PCNX1: variants seen among roughly 807,000 people sequenced by gnomAD.
PCNX1 encodes pecanex 1, also known as pecanex-like protein 1.
A neutral mutation model predicts 242.2 loss-of-function variants in PCNX1; 78 were observed. The ratio of observed to expected loss-of-function variants is 0.32; its 90% confidence interval spans 0.27 to 0.39. PCNX1 has a LOEUF of 0.39. Ranked by LOEUF, PCNX1 falls within the 10% of genes least tolerant of loss-of-function variation. The pLI is 1.00. For missense variants in PCNX1, 2,581 were observed against 2,856.5 expected (o/e 0.90, Z 2.20); for synonymous variants, 1,024 against 1,032.9 (o/e 0.99, Z 0.17).
In PCNX1 at chr14:71,112,638, C is replaced by T. The variant is rs551871366; in HGVS notation, c.*2703C>T. 8 of 152,144 alleles carry T rather than the reference C, an allele frequency of 5.3e-5. No individual in the cohort carries two copies. The South Asian group carries it at 8.3e-4, about 16-fold the overall frequency. 9.4% of individuals were successfully genotyped at this position (152,144 alleles called of 1,614,324 possible). ...TGTTCCTGCCTCACCCCTCACCCCC[C>T]AGAGAATAGTGAGTGACTCGTTTAG... is the stretch of plus-strand genomic sequence containing the variant. On this transcript the variant is annotated 3_prime_UTR_variant, in exon 36 of 36. Transcript: ENST00000304743.
At chr14:70,918,307 C>T (rs747104496) in intron 1 of PCNX1, among the ~76,000 whole-genome samples, 1 of 152,162 alleles carries the variant, frequency 6.6e-6, no homozygotes, top group African/African-American at 2.4e-5. Flanking sequence ...TAAATTTAAT[C>T]ATTTCCAGCT....
At chr14:70,923,918 A>AAATAGGAT (rs1400668278) in intron 1 of PCNX1, among the ~76,000 whole-genome samples, 2 of 152,284 alleles carry the variant, frequency 1.3e-5, no homozygotes, top group Middle Eastern at 3.4e-3. Flanking sequence ...CAAAGGGCTA[A>AAATAGGAT]TACTTCTGCA....
chr14:71,042,568 A>T (rs1181364179), intron 19 of PCNX1, among the ~76,000 whole-genome samples: 1 of 151,838 alleles, frequency 6.6e-6, no homozygotes, highest in Non-Finnish European at 1.5e-5. Flanking sequence ...TTTACAGGTG[A>T]AGTTAGTTTC....
intron 3 of PCNX1, among the ~76,000 whole-genome samples, chr14:70,962,697 G>T (rs1422110322): frequency 6.6e-6 from 1 of 151,762 alleles, no homozygotes; most frequent in African/African-American, 2.4e-5. Context: ...AATAAATGCT[G>T]AAAATCTCTC....
At chr14:71,024,098 T>C (rs2060176089) in intron 13 of PCNX1, among the ~76,000 whole-genome samples, 2 of 152,160 alleles carry the variant, frequency 1.3e-5, no homozygotes, top group Admixed American at 1.3e-4. Flanking sequence ...GATCCCCAAG[T>C]TAACATTTAT....
At chr14:71,076,527 T>C in intron 28 of PCNX1, 108 bp downstream of exon 28, 1 of 690,296 alleles carries the variant, frequency 1.4e-6, no homozygotes, top group East Asian at 2.7e-5. Flanking sequence ...TTCCTCTTTC[T>C]GATCTTCTGG....
intron 6 of PCNX1, among the ~76,000 whole-genome samples, chr14:70,987,922 C>T (rs2059046949): frequency 6.6e-6 from 1 of 152,124 alleles, no homozygotes. Flanking sequence ...GTTGAGAGGA[C>T]CAGAGCCAGG....
At chr14:71,060,695 T>G (rs1415316797) in intron 26 of PCNX1, 1 of 152,144 alleles carries the variant, frequency 6.6e-6, no homozygotes, top group Non-Finnish European at 1.5e-5. Context: ...AAGAACAAAG[T>G]GACAGAAGCC....
intron 2 of PCNX1, among the ~76,000 whole-genome samples, chr14:70,951,457 C>T (rs2057775117): frequency 6.6e-6 from 1 of 152,070 alleles, no homozygotes; most frequent in South Asian, 2.1e-4. Flanking sequence ...TCACTGCAAC[C>T]TCCACCTCCC....
At chr14:70,944,052 A>G (rs910140660) in intron 1 of PCNX1, among the ~76,000 whole-genome samples, 1 of 152,184 alleles carries the variant, frequency 6.6e-6, no homozygotes, top group Admixed American at 6.5e-5. Context: ...CCTTATGGAA[A>G]ACATCTGCTA....
At chr14:71,062,716 T>TATA (rs1469793073) in intron 26 of PCNX1, among the ~76,000 whole-genome samples, 3 of 152,230 alleles carry the variant, frequency 2.0e-5, no homozygotes, top group Non-Finnish European at 4.4e-5. Context: ...GTATAGTGTT[T>TATA]ATAAAGTCTA....
intron 1 of PCNX1, among the ~76,000 whole-genome samples, chr14:70,910,379 G>A (rs888780814): frequency 1.8e-4 from 28 of 151,438 alleles, no homozygotes; most frequent in African/African-American, 6.8e-4. Flanking sequence ...GATTCTTTCA[G>A]ATCATGTCAT....
At chr14:71,004,724 G>A (rs1223703413) in intron 8 of PCNX1, among the ~76,000 whole-genome samples, 1 of 152,098 alleles carries the variant, frequency 6.6e-6, no homozygotes, top group African/African-American at 2.4e-5. Flanking sequence ...ATTATAAGGG[G>A]GGTGCTATCC....
chr14:71,065,683 C>G (rs1451226221), intron 26 of PCNX1, among the ~76,000 whole-genome samples: 1 of 151,938 alleles, frequency 6.6e-6, no homozygotes, highest in Non-Finnish European at 1.5e-5. Flanking sequence ...GTTGTGAAGT[C>G]TGCCCATGCC....
Position 70,977,432 on chromosome 14 carries a change from G to T in PCNX1, c.1095G>T (p.Glu365Asp). 1 of 1,614,058 alleles carries T rather than the reference G, an allele frequency of 6.2e-7. No homozygotes were observed. Among genetic ancestry groups the T allele is most frequent in the Non-Finnish European group, 8.5e-7 (1 of 1,180,028 alleles). ...GGAAGAGCAAACCTTTGAAAGCAGA[G>T]AAAAGCATGGACAGCTTGAGGAGCC... ...KSGKSKPLKAEKSMDSLRSLS... is the reference protein window; with the variant it reads ...KSGKSKPLKADKSMDSLRSLS... Residue 365 changes from glutamate to aspartate, a missense_variant, in exon 6 of 36, where the codon GAG becomes GAT. This residue lies in a region of PCNX1 where 1,204 missense variants were observed against 1,216.7 expected (regional missense o/e 0.99). Coordinates refer to ENST00000304743, the MANE Select transcript of PCNX1 (RefSeq NM_014982.3).
intron 2 of PCNX1, among the ~76,000 whole-genome samples, chr14:70,951,549 ATT>A (rs1566612623): frequency 6.6e-6 from 1 of 151,758 alleles, no homozygotes; most frequent in Non-Finnish European, 1.5e-5. Flanking sequence ...TAATTTTTGT[ATT>A]TTTAGTAGAG....
At chr14:71,100,237 T>G (rs1401698852) in intron 30 of PCNX1, among the ~76,000 whole-genome samples, 1 of 152,196 alleles carries the variant, frequency 6.6e-6, no homozygotes, top group Non-Finnish European at 1.5e-5. Flanking sequence ...CAGGTATTAT[T>G]TTTTTGTTTC....
chr14:70,931,817 A>C lies in PCNX1; in HGVS notation c.154-15098A>C, dbSNP rs181443169. ...CAGAGATCTCAGACCACACAAAGAG[A>C]AACAGGGATTTAAGAATGATCTAGG... On this transcript the variant is annotated intron_variant, in intron 1 of 35. Coordinates refer to ENST00000304743, the MANE Select transcript of PCNX1 (RefSeq NM_014982.3). Among the ~76,000 whole-genome samples the C allele has an allele frequency of 3.9e-3, 593 of 152,250 alleles. 1 individual carries two copies. The highest frequency in any genetic ancestry group is 4.7e-3 in the Non-Finnish European group (322 of 67,988).
At chr14:70,925,051 C>T (rs544678549) in intron 1 of PCNX1, among the ~76,000 whole-genome samples, 6 of 151,434 alleles carry the variant, frequency 4.0e-5, no homozygotes, top group Admixed American at 1.3e-4. Flanking sequence ...TGCAGTGGTG[C>T]GATCTCAGCT....
Sources: allele counts gnomAD v4.1 joint callset (sites outside exome capture counted in the v4.1 genomes callset), GRCh38; gene constraint gnomAD v4.1.1; regional missense constraint gnomAD v4.1.1; transcripts MANE v1.5; gene names NCBI Gene and HGNC (gene_info 2026-07-23, HGNC 2026-07-21).